The following TLN2 variants were observed in gnomAD, a reference collection of about 807,000 sequenced individuals.
TLN2 encodes talin-2.
A neutral mutation model predicts 294.7 loss-of-function variants in TLN2; 118 were observed. The ratio of observed to expected loss-of-function variants is 0.40; its 90% CI spans 0.34 to 0.47. The LOEUF (loss-of-function observed/expected upper bound fraction) is 0.47, where lower values mean the gene tolerates loss of function less well. TLN2 is among the 20% of genes least tolerant of loss of function. The pLI is 0.84. For synonymous variants in TLN2, 1,431 were observed against 1,304.5 expected (o/e 1.10, Z -2.09); for missense variants, 3,083 against 3,282.2 (o/e 0.94, Z 1.48).
chr15:62,708,615 C>A lies in TLN2; in HGVS notation c.2286C>A (p.Thr762=). The stretch of plus-strand genomic sequence containing the variant: ...TCCGTGCCTGCCAGGCGGCCACTAC[C>A]GATAGTGAGCTCCTGAAGCAGGTCA... ...NCVRACQAAT[T]DSELLKQVSA... The change falls in exon 21 of 59, where the codon ACC becomes ACA. Residue 762 remains threonine (T), a synonymous_variant. Transcript: ENST00000636159. 6.2e-7 allele frequency: 1 copy of A among 1,614,194 alleles called. No homozygotes were observed. Among genetic ancestry groups the A allele is most frequent in the Non-Finnish European group, 8.5e-7 (1 of 1,180,024 alleles).
At chr15:62,596,520 C>G (rs574013736) in intron 2 of TLN2, among the ~76,000 whole-genome samples, 14 of 151,994 alleles carry the variant, frequency 9.2e-5, no homozygotes, top group Non-Finnish European at 1.5e-4. Flanking sequence ...AGTGGATCAC[C>G]TGAGGTCAGG....
At chr15:62,736,275 G>A (rs969625792) in intron 28 of TLN2, among the ~76,000 whole-genome samples, 2 of 150,940 alleles carry the variant, frequency 1.3e-5, no homozygotes, top group African/African-American at 2.4e-5. Context: ...AGCCAAGATC[G>A]CGCCACTGCA....
intron 34 of TLN2, among the ~76,000 whole-genome samples, chr15:62,751,344 C>G (rs1567526052): frequency 6.6e-6 from 1 of 152,194 alleles, no homozygotes; most frequent in East Asian, 1.9e-4. Context: ...CAAAAGGACT[C>G]TGTTTGATTT....
Position 62,722,507 on chromosome 15 carries a change from G to A in TLN2, c.3126+20G>A, listed in dbSNP as rs1293028659. 1 of 1,596,504 alleles carries A rather than the reference G, an allele frequency of 6.3e-7. No individual in the cohort carries two copies. Among genetic ancestry groups the A allele is most frequent in the Admixed American group, 1.7e-5 (1 of 59,334 alleles). ...CAGAAGGCAAGTGGAGCGTGTCATA[G>A]GGGTTAACTTGTCAGGAAGGGAGCT... is the stretch of plus-strand genomic sequence containing the variant. On this transcript the variant is annotated intron_variant, in intron 26 of 58. Transcript: ENST00000636159.
chr15:62,580,472 G>A (rs1192122071), intron 1 of TLN2, among the ~76,000 whole-genome samples: 3 of 146,504 alleles, frequency 2.0e-5, no homozygotes, highest in African/African-American at 5.1e-5. Flanking sequence ...GTACAGTGGC[G>A]AGATCTAGGC....
intron 1 of TLN2, among the ~76,000 whole-genome samples, chr15:62,566,258 A>G (rs1472738454): frequency 1.3e-5 from 2 of 152,238 alleles, no homozygotes; most frequent in East Asian, 1.9e-4. Flanking sequence ...TGAGCGGGAC[A>G]TCAGTACTTC....
intron 1 of TLN2, among the ~76,000 whole-genome samples, chr15:62,513,936 G>A (rs1207661309): frequency 6.6e-6 from 1 of 152,312 alleles, no homozygotes; most frequent in African/African-American, 2.4e-5. Context: ...AGTCTAGGGC[G>A]GAGAATATTC....
At chr15:62,543,949 G>A (rs1436380705) in intron 1 of TLN2, among the ~76,000 whole-genome samples, 1 of 152,102 alleles carries the variant, frequency 6.6e-6, no homozygotes, top group Non-Finnish European at 1.5e-5. Context: ...AGGGCCTTGG[G>A]CTATTCAGGG....
intron 12 of TLN2, among the ~76,000 whole-genome samples, chr15:62,691,382 T>C (rs1338136483): frequency 6.6e-6 from 1 of 152,208 alleles, no homozygotes; most frequent in Non-Finnish European, 1.5e-5. Context: ...ATTTAGTCTA[T>C]CCTGTGAGTT....
intron 54 of TLN2, among the ~76,000 whole-genome samples, chr15:62,825,533 A>G (rs1206944732): frequency 1.3e-5 from 2 of 150,008 alleles, no homozygotes; most frequent in African/African-American, 2.5e-5. Context: ...TTGGTTCCAG[A>G]CCAGGAGCAT....
At chr15:62,633,507 G>T (rs2050106056) in intron 3 of TLN2, among the ~76,000 whole-genome samples, 1 of 152,138 alleles carries the variant, frequency 6.6e-6, no homozygotes, top group Non-Finnish European at 1.5e-5. Context: ...GTCTTGCTAT[G>T]TTGCCCAGGC....
chr15:62,513,420 A>G (rs1004452025), intron 1 of TLN2, among the ~76,000 whole-genome samples: 3 of 152,278 alleles, frequency 2.0e-5, no homozygotes, highest in South Asian at 2.1e-4. Flanking sequence ...GTCTCTTCCT[A>G]GTGCTGGTGT....
At chr15:62,662,490 T>G (rs1027228518) in intron 9 of TLN2, among the ~76,000 whole-genome samples, 1 of 152,182 alleles carries the variant, frequency 6.6e-6, no homozygotes, top group Admixed American at 6.5e-5. Flanking sequence ...CTCACAAAAG[T>G]TGATCAAATA....
chr15:62,529,854 C>T (rs181501087), intron 1 of TLN2, among the ~76,000 whole-genome samples: 31 of 152,246 alleles, frequency 2.0e-4, no homozygotes, highest in Middle Eastern at 6.8e-3. Flanking sequence ...GTAACTTATT[C>T]GCCCAGTTCC....
rs370731939 is a variant in TLN2 at position 62,763,680 on chromosome 15, C to A, written c.5079C>A (p.Asp1693Glu). The change falls in exon 40 of 59, where the codon GAC becomes GAA. Residue 1693 changes from aspartate to glutamate, a missense_variant. By Grantham distance (45) the Asp-to-Glu change is conservative. Transcript: ENST00000636159. ...TCAGCCAGAGCCTGGCCACGAGGGA[C>A]GACATCTCTGTGGAGGTAAGCTGGG... is the stretch of plus-strand genomic sequence containing the variant. ...AAVSQSLATR[D>E]DISVEALQEQ... is the part of the protein sequence containing the mutation. The A allele has an allele frequency of 3.7e-6, 6 of 1,609,606 alleles. No individual in the cohort carries two copies. In the African/African-American group the frequency reaches 5.3e-5, roughly 14 times the overall value.
chr15:62,465,036 T>C (rs1163620374), intron 1 of TLN2, among the ~76,000 whole-genome samples: 2 of 151,572 alleles, frequency 1.3e-5, no homozygotes, highest in East Asian at 3.9e-4. Context: ...CCTTAAATGA[T>C]CTTTAGATTT....
intron 1 of TLN2, among the ~76,000 whole-genome samples, chr15:62,418,072 GA>G (rs962339594): frequency 2.4e-4 from 36 of 152,316 alleles, no homozygotes; most frequent in African/African-American, 8.4e-4. Context: ...AATAGCTGTG[GA>G]CAAGTTCCCA....
chr15:62,535,008 G>T (rs1171876882), intron 1 of TLN2, among the ~76,000 whole-genome samples: 1 of 152,198 alleles, frequency 6.6e-6, no homozygotes, highest in African/African-American at 2.4e-5. Context: ...CCTAAGCTCT[G>T]TGAGGGCACA....
intron 2 of TLN2, among the ~76,000 whole-genome samples, chr15:62,603,435 T>TAGAG (rs141901652): frequency 6.2e-4 from 92 of 149,464 alleles, no homozygotes; most frequent in East Asian, 2.1e-3. Flanking sequence ...TGTAGTGGCA[T>TAGAG]AGAGAGAGAG....
Sources: allele counts gnomAD v4.1 joint callset (sites outside exome capture counted in the v4.1 genomes callset), GRCh38; gene constraint gnomAD v4.1.1; transcripts MANE v1.5; gene names NCBI Gene and HGNC (gene_info 2026-07-23, HGNC 2026-07-21).